HS6ST3: variants seen among roughly 807,000 people sequenced by gnomAD.
HS6ST3 encodes heparan sulfate 6-O-sulfotransferase 3.
Under a neutral mutation model 36.7 loss-of-function variants are expected in HS6ST3, and 12 were observed. The ratio of observed to expected loss-of-function variants is 0.33; its 90% CI spans 0.21 to 0.53. The LOEUF is 0.53. Ranked by LOEUF, HS6ST3 falls within the 20% of genes least tolerant of loss-of-function variation. The pLI is 0.95. For synonymous variants in HS6ST3, 240 were observed against 257.5 expected (o/e 0.93, Z 0.65); for missense variants, 584 against 640.9 (o/e 0.91, Z 0.96).
At chr13:96,498,202 A>T (rs114789523) in intron 1 of HS6ST3, among the ~76,000 whole-genome samples, 1 of 152,164 alleles carries the variant, frequency 6.6e-6, no homozygotes. Flanking sequence ...AGTTCATTTA[A>T]TGGTAACCCA....
At chr13:96,779,449 G>C (rs1212069264) in intron 1 of HS6ST3, among the ~76,000 whole-genome samples, 1 of 152,014 alleles carries the variant, frequency 6.6e-6, no homozygotes, top group African/African-American at 2.4e-5. Flanking sequence ...AACTATATGA[G>C]AGCTACATTT....
chr13:96,742,728 TAG>T (rs955212492), intron 1 of HS6ST3, among the ~76,000 whole-genome samples: 54 of 152,254 alleles, frequency 3.5e-4, no homozygotes, highest in Admixed American at 1.8e-3. Context: ...TTCTATAAAA[TAG>T]AGTCTTATTT....
At chr13:96,299,329 C>T (rs867896373) in intron 1 of HS6ST3, among the ~76,000 whole-genome samples, 8 of 152,128 alleles carry the variant, frequency 5.3e-5, no homozygotes, top group Non-Finnish European at 7.4e-5. Context: ...TTGCACATGG[C>T]GGAAGCTGAA....
chr13:96,208,415 T>C (rs1019145938), intron 1 of HS6ST3, among the ~76,000 whole-genome samples: 1 of 152,158 alleles, frequency 6.6e-6, no homozygotes, highest in Non-Finnish European at 1.5e-5. Flanking sequence ...GATATACAGG[T>C]ACATAAGCAA....
At chr13:96,203,651 T>G (rs112023146) in intron 1 of HS6ST3, among the ~76,000 whole-genome samples, 1,869 of 152,310 alleles carry the variant, frequency 0.012, 36 homozygotes, top group African/African-American at 0.042. Flanking sequence ...GAGCTGACTG[T>G]TCACGTGGGA....
intron 1 of HS6ST3, among the ~76,000 whole-genome samples, chr13:96,772,885 G>A (rs376829781): frequency 6.6e-5 from 10 of 152,208 alleles, no homozygotes; most frequent in African/African-American, 2.4e-4. Context: ...CAAGATAGCC[G>A]AATAGGAACA....
intron 1 of HS6ST3, among the ~76,000 whole-genome samples, chr13:96,701,597 T>C (rs1022421719): frequency 6.6e-5 from 10 of 152,104 alleles, no homozygotes; most frequent in Non-Finnish European, 8.8e-5. Flanking sequence ...CTTCATGGTC[T>C]TAAAAAGGAG....
intron 1 of HS6ST3, among the ~76,000 whole-genome samples, chr13:96,357,255 AG>A (rs1216806684): frequency 2.6e-5 from 4 of 152,212 alleles, no homozygotes; most frequent in Non-Finnish European, 5.9e-5. Flanking sequence ...TAGCACTTTC[AG>A]TTTCCTTCCA....
chr13:96,679,734 G>A (rs947936427), intron 1 of HS6ST3, among the ~76,000 whole-genome samples: 29 of 152,122 alleles, frequency 1.9e-4, no homozygotes, highest in Non-Finnish European at 5.9e-5. Flanking sequence ...CCCAGAAGTT[G>A]CCTGCTGGTT....
chr13:96,201,583 T>C (rs2054342154), intron 1 of HS6ST3, among the ~76,000 whole-genome samples: 1 of 152,162 alleles, frequency 6.6e-6, no homozygotes, highest in Admixed American at 6.5e-5. Flanking sequence ...AAGAACCATA[T>C]AATATGTGGT....
intron 1 of HS6ST3, among the ~76,000 whole-genome samples, chr13:96,476,443 A>G (rs1203218021): frequency 6.6e-6 from 1 of 151,936 alleles, no homozygotes; most frequent in Non-Finnish European, 1.5e-5. Flanking sequence ...GCTCACTGCA[A>G]CCTCCGCCTC....
At chr13:96,510,106 ATTTTATTTTATT>A (rs1313714097) in intron 1 of HS6ST3, among the ~76,000 whole-genome samples, 4 of 27,166 alleles carry the variant, frequency 1.5e-4, no homozygotes, top group African/African-American at 2.4e-4. Flanking sequence ...ATTTTATTTT[ATTTTATTTTATT>A]TTATTTTATT....
intron 1 of HS6ST3, among the ~76,000 whole-genome samples, chr13:96,383,000 C>T (rs1195880779): frequency 1.3e-5 from 2 of 152,116 alleles, no homozygotes; most frequent in African/African-American, 2.4e-5. Context: ...ATAGCATAAG[C>T]TTTCTGAATC....
intron 1 of HS6ST3, among the ~76,000 whole-genome samples, chr13:96,722,115 A>C (rs1875864725): frequency 6.6e-6 from 1 of 152,092 alleles, no homozygotes; most frequent in Non-Finnish European, 1.5e-5. Context: ...AAAATACAAA[A>C]ACTAGCCAGG....
At chr13:96,610,613 T>G (rs2056453917) in intron 1 of HS6ST3, among the ~76,000 whole-genome samples, 1 of 152,202 alleles carries the variant, frequency 6.6e-6, no homozygotes, top group South Asian at 2.1e-4. Context: ...ACCAATAGCT[T>G]GAAATCCATC....
chr13:96,240,358 G>A (rs549179249), intron 1 of HS6ST3, among the ~76,000 whole-genome samples: 6 of 152,164 alleles, frequency 3.9e-5, no homozygotes, highest in Non-Finnish European at 1.5e-5. Flanking sequence ...TGATCAAAGG[G>A]TACCAAGTTT....
At chr13:96,435,003 T>C (rs182270069) in intron 1 of HS6ST3, among the ~76,000 whole-genome samples, 11 of 152,262 alleles carry the variant, frequency 7.2e-5, no homozygotes, top group Admixed American at 4.6e-4. Context: ...TTTTTTTCCT[T>C]TCTCTCTGAG....
chr13:96,536,190 C>T (rs9556606), intron 1 of HS6ST3, among the ~76,000 whole-genome samples: 10,228 of 152,126 alleles, frequency 0.067, 407 homozygotes, highest in African/African-American at 0.089. Context: ...GAACATTTTT[C>T]GAAGTTGTTA....
rs1035277305 is a variant in HS6ST3, at chr13:96,387,399, A to G, written c.707+295830A>G. On this transcript the variant is annotated intron_variant, in intron 1 of 1. Coordinates refer to ENST00000376705, the MANE Select transcript of HS6ST3 (RefSeq NM_153456.4). ...AATTAATCATTTAAACCCTTTCTCTATATACTGGATTAGATGGTTGAGCCA... is the reference window on the plus strand; with the variant it reads ...AATTAATCATTTAAACCCTTTCTCTGTATACTGGATTAGATGGTTGAGCCA... 3.3e-5 allele frequency among the ~76,000 whole-genome samples: 5 copies of G among 152,272 alleles called. No homozygotes were observed. In the East Asian group the frequency reaches 5.8e-4, roughly 18 times the overall value.
Sources: gnomAD v4.1 joint callset for allele counts (sites outside exome capture counted in the v4.1 genomes callset) on GRCh38, gnomAD v4.1.1 for gene constraint, MANE v1.5 for transcripts, NCBI Gene and HGNC (gene_info 2026-07-23, HGNC 2026-07-21) for gene names.